Variants in TIAM1 observed in about 807,000 individuals in gnomAD.
TIAM1 encodes the protein rho guanine nucleotide exchange factor TIAM1.
In TIAM1, 65 loss-of-function variants were observed where a neutral mutation model predicts 163.5. The observed-to-expected ratio is 0.40, with a 90% CI of 0.33 to 0.49. The LOEUF (loss-of-function observed/expected upper bound fraction) is 0.49. TIAM1 is among the 20% of genes least tolerant of loss of function. The pLI is 0.77. For synonymous variants in TIAM1, 833 were observed against 810.1 expected, an observed-to-expected ratio of 1.03 and a Z score of -0.48; for missense variants, 1,789 against 2,044.7, an observed-to-expected ratio of 0.87 and a Z score of 2.41.
At chr21:31,225,639 T>G (rs1363811097) in intron 7 of TIAM1, 87 bp downstream of exon 7, 2 of 1,107,006 alleles carry the variant, frequency 1.8e-6, no homozygotes, top group Non-Finnish European at 1.3e-6. Flanking sequence ...CGATGATGTT[T>G]CACGATTCCA....
chr21:31,233,427 G>T (rs749591983), intron 6 of TIAM1, among the ~76,000 whole-genome samples: 4 of 152,136 alleles, frequency 2.6e-5, no homozygotes, highest in Non-Finnish European at 4.4e-5. Context: ...AGAACTTAAG[G>T]CCAGGCATGG....
intron 1 of TIAM1, among the ~76,000 whole-genome samples, chr21:31,530,359 C>A (rs2047932066): frequency 6.6e-6 from 1 of 152,144 alleles, no homozygotes; most frequent in African/African-American, 2.4e-5. Flanking sequence ...GGCCAAGAGG[C>A]CTGAACACTG....
chr21:31,154,733 C>CA (rs2083539881), intron 16 of TIAM1, among the ~76,000 whole-genome samples: 1 of 152,178 alleles, frequency 6.6e-6, no homozygotes, highest in African/African-American at 2.4e-5. Context: ...CAAGATGATG[C>CA]AGTACGTAAG....
chr21:31,451,718 C>CGTGTGTGCGT (rs1555985542), intron 2 of TIAM1, among the ~76,000 whole-genome samples: 1 of 142,166 alleles, frequency 7.0e-6, no homozygotes, highest in Non-Finnish European at 1.5e-5. Flanking sequence ...CATGTGTGTG[C>CGTGTGTGCGT]GTGTGTGTGT....
At chr21:31,244,318 T>C (rs941630777) in intron 6 of TIAM1, among the ~76,000 whole-genome samples, 1 of 152,226 alleles carries the variant, frequency 6.6e-6, no homozygotes, top group Admixed American at 6.5e-5. Flanking sequence ...ATTCTTACGG[T>C]CCTTGTCACG....
chr21:31,120,284 A>G lies in TIAM1; in HGVS notation c.*84T>C, dbSNP rs1439489935. The stretch of plus-strand genomic sequence containing the variant: ...GTGTGCAAGAGCGCGACCTAAGGGG[A>G]CATTCTTGTCGACGGTACAGGAGGG... On this transcript the variant is annotated 3_prime_UTR_variant, in exon 28 of 28. Transcript: ENST00000541036. This position sits in a 1 kb window ranked among gnomAD's most constrained non-coding sequence, Gnocchi z 4.2. 2.9e-6 allele frequency: 4 copies of G among 1,366,942 alleles called. No homozygotes were observed. Among genetic ancestry groups the G allele is most frequent in the African/African-American group, 2.9e-5 (2 of 68,930 alleles). 84.7% of individuals were successfully genotyped at this position (1,366,942 alleles called of 1,614,324 possible).
intron 2 of TIAM1, among the ~76,000 whole-genome samples, chr21:31,447,170 C>G (rs1262691893): frequency 2.0e-5 from 3 of 152,206 alleles, no homozygotes; most frequent in Non-Finnish European, 2.9e-5. Context: ...AGGGGGATCA[C>G]TTGAGCCCAG....
intron 2 of TIAM1, among the ~76,000 whole-genome samples, chr21:31,360,446 T>C (rs2076389705): frequency 6.6e-6 from 1 of 152,100 alleles, no homozygotes; most frequent in African/African-American, 2.4e-5. Context: ...GGCTTCAAAG[T>C]ACTAATTTAT....
intron 2 of TIAM1, among the ~76,000 whole-genome samples, chr21:31,281,147 AT>A (rs1307125113): frequency 1.3e-5 from 2 of 151,334 alleles, no homozygotes; most frequent in African/African-American, 4.9e-5. Flanking sequence ...AAATTCTGTC[AT>A]TTTTAAGTCC....
intron 4 of TIAM1, among the ~76,000 whole-genome samples, chr21:31,263,290 G>A (rs991875556): frequency 6.6e-6 from 1 of 152,192 alleles, no homozygotes; most frequent in Non-Finnish European, 1.5e-5. Flanking sequence ...AACAGATCCT[G>A]GGGCACAGAA....
At chr21:31,315,536 G>A (rs1409354941) in intron 2 of TIAM1, among the ~76,000 whole-genome samples, 1 of 151,426 alleles carries the variant, frequency 6.6e-6, no homozygotes, top group Non-Finnish European at 1.5e-5. Flanking sequence ...GTAGCCGGGT[G>A]TGGTGGCGCA....
Position 31,125,007 on chromosome 21 carries a change from A to G in TIAM1, c.4134-313T>C, listed in dbSNP as rs374672187. 2.8e-4 allele frequency among the ~76,000 whole-genome samples: 42 copies of G among 152,298 alleles called. No individual in the cohort carries two copies. The East Asian group carries it at 5.0e-3, about 18-fold the overall frequency. ...ATTCTGCTCCTGGCACTCAAGGCAGAGTTTTTCATTATAAAATGTTTTTGA... is the reference window on the plus strand; with the variant it reads ...ATTCTGCTCCTGGCACTCAAGGCAGGGTTTTTCATTATAAAATGTTTTTGA... On this transcript the variant is annotated intron_variant, in intron 26 of 27. Coordinates refer to ENST00000541036, the MANE Select transcript of TIAM1 (RefSeq NM_001353694.2).
At chr21:31,336,105 G>A (rs934632183) in intron 2 of TIAM1, among the ~76,000 whole-genome samples, 3 of 152,186 alleles carry the variant, frequency 2.0e-5, no homozygotes, top group Non-Finnish European at 4.4e-5. Context: ...GCACCCAGGA[G>A]GCAGAAGATG....
intron 16 of TIAM1, chr21:31,160,850 G>A (rs1376080613): frequency 4.5e-6 from 1 of 221,684 alleles, no homozygotes; most frequent in Non-Finnish European, 8.7e-6. Context: ...TCCAGAAAGG[G>A]AGAGCTGAAA....
At chr21:31,374,201 T>C (rs2076647048) in intron 2 of TIAM1, among the ~76,000 whole-genome samples, 1 of 152,134 alleles carries the variant, frequency 6.6e-6, no homozygotes, top group Admixed American at 6.5e-5. Flanking sequence ...ATGGAACCCA[T>C]TCCTCCCAAA....
At chr21:31,435,453 T>C (rs1471857010) in intron 2 of TIAM1, among the ~76,000 whole-genome samples, 1 of 152,180 alleles carries the variant, frequency 6.6e-6, no homozygotes, top group Non-Finnish European at 1.5e-5. Context: ...AATTTTCATA[T>C]AAAAAGGCCC....
chr21:31,445,331 C>G (rs959590271), intron 2 of TIAM1, among the ~76,000 whole-genome samples: 1 of 152,180 alleles, frequency 6.6e-6, no homozygotes, highest in Non-Finnish European at 1.5e-5. Flanking sequence ...ACCAGCCTCA[C>G]TCTGTTTAAT....
At chr21:31,442,070 A>AATAAATAAATATATATATAT (rs370046459) in intron 2 of TIAM1, among the ~76,000 whole-genome samples, 1 of 53,244 alleles carries the variant, frequency 1.9e-5, no homozygotes, top group African/African-American at 6.7e-5. Flanking sequence ...CAAATAAATA[A>AATAAATAAATATATATATAT]ATATATATAT....
intron 2 of TIAM1, among the ~76,000 whole-genome samples, chr21:31,298,139 G>A (rs889071157): frequency 7.9e-5 from 12 of 152,098 alleles, no homozygotes; most frequent in South Asian, 2.1e-4. Flanking sequence ...TGACTGTCAT[G>A]AGAACCCAGG....
Sources: allele counts gnomAD v4.1 joint callset (sites outside exome capture counted in the v4.1 genomes callset), GRCh38; gene constraint gnomAD v4.1.1; non-coding constraint Gnocchi (gnomAD v3.1); transcripts MANE v1.5; gene names NCBI Gene and HGNC (gene_info 2026-07-23, HGNC 2026-07-21).